Variants in SAMD5 observed in about 807,000 individuals in gnomAD.
The protein encoded by SAMD5 is sterile alpha motif domain-containing protein 5.
Under a neutral mutation model 11.3 loss-of-function variants are expected in SAMD5, and 13 were observed. The ratio of observed to expected loss-of-function variants is 1.15; its 90% confidence interval spans 0.75 to 1.83. The LOEUF (loss-of-function observed/expected upper bound fraction) is 1.83, where lower values mean the gene tolerates loss of function less well. Among genes scored for constraint, SAMD5 ranks in the 40% most tolerant of loss-of-function variants. The pLI, the probability that SAMD5 is intolerant of heterozygous loss-of-function variation, is 0.00. For synonymous variants in SAMD5, 129 were observed against 111.3 expected, an observed-to-expected ratio of 1.16 and a Z score of -1.00; for missense variants, 255 against 239.1, an observed-to-expected ratio of 1.07 and a Z score of -0.44.
At chr6:147,542,023 C>T (rs1166534318) in intron 1 of SAMD5, among the ~76,000 whole-genome samples, 3 of 152,120 alleles carry the variant, frequency 2.0e-5, no homozygotes, top group Non-Finnish European at 4.4e-5. Context: ...TTGGCAGTGC[C>T]TAGGATACTC....
At chr6:147,533,922 T>A (rs763890658) in intron 1 of SAMD5, among the ~76,000 whole-genome samples, 7 of 152,308 alleles carry the variant, frequency 4.6e-5, no homozygotes, top group Non-Finnish European at 7.4e-5. Flanking sequence ...TTAATCAACA[T>A]CTAAAAACTA....
chr6:147,526,624 T>C (rs1452714715), intron 1 of SAMD5, among the ~76,000 whole-genome samples: 2 of 152,252 alleles, frequency 1.3e-5, no homozygotes, highest in Non-Finnish European at 2.9e-5. Flanking sequence ...GACTGTATAC[T>C]GGAAGCTAAG....
the SAMD5 span, among the ~76,000 whole-genome samples, chr6:147,883,603 G>A: frequency 1.3e-5 from 2 of 152,012 alleles, no homozygotes; most frequent in Non-Finnish European, 2.9e-5. Flanking sequence ...TTACAAAATT[G>A]GGTGTTTGAA....
chr6:147,643,227 TTTTG>T (rs1790340335), intron 1 of SAMD5, among the ~76,000 whole-genome samples: 1 of 152,198 alleles, frequency 6.6e-6, no homozygotes, highest in Non-Finnish European at 1.5e-5. Flanking sequence ...AAGAATTTAT[TTTTG>T]TTTGTAGTTA....
intron 1 of SAMD5, among the ~76,000 whole-genome samples, chr6:147,632,680 C>T (rs1211837499): frequency 1.3e-5 from 2 of 152,172 alleles, no homozygotes; most frequent in African/African-American, 4.8e-5. Flanking sequence ...TTCGACCACA[C>T]AGTATTGACT....
the SAMD5 span, among the ~76,000 whole-genome samples, chr6:147,866,876 A>G: frequency 6.6e-6 from 1 of 152,174 alleles, no homozygotes; most frequent in Non-Finnish European, 1.5e-5. Flanking sequence ...TGTTGGGCTT[A>G]TTTCCTTTAA....
chr6:147,891,721 A>G, the SAMD5 span, among the ~76,000 whole-genome samples: 1 of 152,174 alleles, frequency 6.6e-6, no homozygotes, highest in African/African-American at 2.4e-5. Flanking sequence ...TTCTCCCCAG[A>G]TCTAAGATGA....
At chr6:147,713,679 G>T (rs1254515414) in intron 1 of SAMD5, among the ~76,000 whole-genome samples, 3 of 152,108 alleles carry the variant, frequency 2.0e-5, no homozygotes, top group Non-Finnish European at 4.4e-5. Flanking sequence ...AATATTTGGT[G>T]GCTTGTACAC....
In SAMD5 at chr6:147,647,350, G is replaced by A. The variant is rs140268056; in HGVS notation, c.163-89967G>A. 5.6e-4 allele frequency among the ~76,000 whole-genome samples: 85 copies of A among 152,058 alleles called. No individual in the cohort carries two copies. The East Asian group carries it at 0.014, about 25-fold the overall frequency. On this transcript the variant is annotated intron_variant, in intron 1 of 1. Transcript: ENST00000566741. ...AGATGCAGGGGATGATCAAGATGAG[G>A]TTAAGTTTTCTGGTTTAATTAATTG...
At chr6:147,748,797 T>A in the SAMD5 span, among the ~76,000 whole-genome samples, 1 of 152,220 alleles carries the variant, frequency 6.6e-6, no homozygotes, top group Non-Finnish European at 1.5e-5. Context: ...ATTCTGGAGT[T>A]AATACAAACA....
chr6:147,853,570 T>G, the SAMD5 span, among the ~76,000 whole-genome samples: 1 of 152,114 alleles, frequency 6.6e-6, no homozygotes, highest in Admixed American at 6.6e-5. Context: ...CTGTATCAAT[T>G]GTATCCAAAT....
chr6:147,839,460 A>G, the SAMD5 span, among the ~76,000 whole-genome samples: 152 of 152,288 alleles, frequency 1.0e-3, no homozygotes, highest in African/African-American at 3.6e-3. Flanking sequence ...TTAAAAAGTA[A>G]AACTTGGGCC....
the SAMD5 span, among the ~76,000 whole-genome samples, chr6:147,753,847 TCTC>T: frequency 6.6e-6 from 1 of 152,142 alleles, no homozygotes; most frequent in Non-Finnish European, 1.5e-5. Context: ...AATATTGTGA[TCTC>T]CAGTTCCATC....
At chr6:147,556,683 C>T (rs1788862608) in intron 1 of SAMD5, among the ~76,000 whole-genome samples, 1 of 152,136 alleles carries the variant, frequency 6.6e-6, no homozygotes, top group Non-Finnish European at 1.5e-5. Context: ...GAGACAATTA[C>T]TTAAATAATT....
At chr6:147,687,276 C>CTTTTTTT (rs59851113) in intron 1 of SAMD5, among the ~76,000 whole-genome samples, 20 of 105,010 alleles carry the variant, frequency 1.9e-4, no homozygotes, top group Admixed American at 3.1e-4. Flanking sequence ...TCTCCTCCTT[C>CTTTTTTT]TTTTTTTTTT....
the SAMD5 span, among the ~76,000 whole-genome samples, chr6:147,939,810 AT>A: frequency 0.016 from 2,298 of 146,778 alleles, 50 homozygotes; most frequent in African/African-American, 0.047. Context: ...ATACCCCAGC[AT>A]TTTTTTTTTT....
the SAMD5 span, among the ~76,000 whole-genome samples, chr6:147,819,936 G>A: frequency 2.0e-5 from 3 of 152,190 alleles, no homozygotes; most frequent in Admixed American, 6.5e-5. Context: ...CTTGGCACAC[G>A]AGGAGGAGAG....
chr6:147,729,940 C>T lies in SAMD5; in HGVS notation c.163-7377C>T, dbSNP rs141284523. ...TCTCTACTAAAAATACAGAAATTAG[C>T]CAGGTGTGATGGCGTGTGCCTGTAA... is the stretch of plus-strand genomic sequence containing the variant. On this transcript the variant is annotated intron_variant, in intron 1 of 1. Coordinates refer to the SAMD5 transcript ENST00000566741. The T allele has an allele frequency of 4.1e-4, 175 of 423,362 alleles. 4 individuals carry two copies. In the East Asian group the frequency reaches 0.012, roughly 29 times the overall value. 26.2% of individuals were successfully genotyped at this position (423,362 alleles called of 1,614,324 possible). A position where few individuals can be genotyped will look rare whatever the true frequency, so the allele number is the denominator to read the frequency against.
the SAMD5 span, among the ~76,000 whole-genome samples, chr6:147,834,160 C>T: frequency 9.9e-3 from 1,515 of 152,278 alleles, 9 homozygotes; most frequent in Middle Eastern, 0.031. Flanking sequence ...AATTTATAAA[C>T]CACAGAGCAG....
Sources: allele counts gnomAD v4.1 joint callset (sites outside exome capture counted in the v4.1 genomes callset), GRCh38; gene constraint gnomAD v4.1.1; transcripts MANE v1.5; gene names NCBI Gene and HGNC (gene_info 2026-07-23, HGNC 2026-07-21).